RIMS1: variants seen among roughly 807,000 people sequenced by gnomAD.
The protein encoded by RIMS1 is regulating synaptic membrane exocytosis protein 1.
Under a neutral mutation model 214.1 loss-of-function variants are expected in RIMS1, and 83 were observed. The observed-to-expected ratio is 0.39, with a 90% CI of 0.32 to 0.47. The LOEUF is 0.47. Among genes scored for constraint, RIMS1 ranks in the 20% least tolerant of loss-of-function variants. RIMS1 has a pLI of 0.99. For synonymous variants in RIMS1, 793 were observed against 786.8 expected (o/e 1.01, Z -0.13); for missense variants, 2,050 against 2,161.8 (o/e 0.95, Z 1.03).
chr6:72,389,522 G>C (rs539082867), intron 29 of RIMS1, among the ~76,000 whole-genome samples: 1 of 152,106 alleles, frequency 6.6e-6, no homozygotes, highest in Admixed American at 6.5e-5. Flanking sequence ...GGGAAAAAAT[G>C]CAGTGTTTCA....
At chr6:71,943,974 A>G (rs74591428) in intron 1 of RIMS1, among the ~76,000 whole-genome samples, 10,705 of 152,296 alleles carry the variant, frequency 0.07, 521 homozygotes, top group Middle Eastern at 0.12. Flanking sequence ...AACGTGTAAT[A>G]TAGGAAATCA....
intron 4 of RIMS1, among the ~76,000 whole-genome samples, chr6:72,171,628 A>G (rs759552836): frequency 6.0e-4 from 91 of 152,174 alleles, no homozygotes; most frequent in Non-Finnish European, 1.1e-3. Flanking sequence ...GATGATGACA[A>G]TGAGTCTTTG....
intron 2 of RIMS1, among the ~76,000 whole-genome samples, chr6:72,048,288 A>T (rs1032218917): frequency 3.3e-5 from 5 of 152,208 alleles, no homozygotes; most frequent in Non-Finnish European, 5.9e-5. Flanking sequence ...TTTAAAAATT[A>T]TCAGCTTCAT....
intron 29 of RIMS1, among the ~76,000 whole-genome samples, chr6:72,334,240 C>T (rs2154343100): frequency 6.6e-6 from 1 of 151,892 alleles, no homozygotes; most frequent in Non-Finnish European, 1.5e-5. Context: ...GTCAGTTGTG[C>T]AACGTGACAT....
At chr6:72,360,387 G>A (rs910508129) in intron 29 of RIMS1, among the ~76,000 whole-genome samples, 2 of 152,096 alleles carry the variant, frequency 1.3e-5, no homozygotes, top group Non-Finnish European at 2.9e-5. Context: ...CTTTCTGTTA[G>A]CATCTGCTTT....
chr6:72,275,632 T>C (rs2154196491), intron 23 of RIMS1, among the ~76,000 whole-genome samples: 1 of 152,280 alleles, frequency 6.6e-6, no homozygotes, highest in East Asian at 1.9e-4. Flanking sequence ...GGAAATTAAA[T>C]ATAATTCTTT....
At chr6:72,161,489 A>G (rs2045399889) in intron 4 of RIMS1, among the ~76,000 whole-genome samples, 1 of 139,952 alleles carries the variant, frequency 7.1e-6, no homozygotes, top group Non-Finnish European at 1.6e-5. Flanking sequence ...TAGGGTGTCA[A>G]TTTTAGATCT....
rs184145829 is a variant in RIMS1 at position 71,978,408 on chromosome 6, T to C, written c.245+9345T>C. On this transcript the variant is annotated intron_variant, in intron 2 of 33. Transcript: ENST00000521978. ...ATTTTTCCACTTATTTAAACTTATT[T>C]AAAATTTTTTATTGTGATTTTTTTT... Among the ~76,000 whole-genome samples, 23 of 152,260 alleles carry C rather than the reference T, an allele frequency of 1.5e-4. No homozygotes were observed. The East Asian group carries it at 4.2e-3, about 28-fold the overall frequency.
rs1260744561 is a variant in RIMS1, at chr6:72,198,429, T to G, written c.1678+15280T>G. Among the ~76,000 whole-genome samples the G allele has an allele frequency of 3.3e-5, 5 of 152,018 alleles. No individual in the cohort carries two copies. In the East Asian group the frequency reaches 9.7e-4, roughly 29 times the overall value. Reference sequence around the variant, plus strand: ...AGCAAACATCATATACTCTCACTCATATGTGGGAGCTAATAGAATTGATTT... The same window carrying G: ...AGCAAACATCATATACTCTCACTCAGATGTGGGAGCTAATAGAATTGATTT... On this transcript the variant is annotated intron_variant, in intron 6 of 33. Coordinates refer to ENST00000521978, the MANE Select transcript of RIMS1 (RefSeq NM_014989.7).
intron 2 of RIMS1, among the ~76,000 whole-genome samples, chr6:72,083,216 G>T (rs924659090): frequency 6.6e-6 from 1 of 152,142 alleles, no homozygotes; most frequent in Non-Finnish European, 1.5e-5. Context: ...CATTCACCAA[G>T]TATTTCAGAG....
At chr6:72,053,679 T>C (rs943500354) in intron 2 of RIMS1, among the ~76,000 whole-genome samples, 1 of 152,036 alleles carries the variant, frequency 6.6e-6, no homozygotes, top group Non-Finnish European at 1.5e-5. Context: ...TAATGGCTGG[T>C]ATTGGAATAG....
Position 71,887,199 on chromosome 6 carries a change from C to G in RIMS1, c.164+12C>G, listed in dbSNP as rs1330525377. On this transcript the variant is annotated intron_variant, in intron 1 of 33. Coordinates refer to ENST00000521978, the MANE Select transcript of RIMS1 (RefSeq NM_014989.7). ...GAAGCCATGCTCAAGTAAGCCAGCC[C>G]CAGCCGCGCCATCCATGCCTCCGTG... is the stretch of plus-strand genomic sequence containing the variant. 3 of 1,597,790 alleles carry G rather than the reference C, an allele frequency of 1.9e-6. No homozygotes were observed. The highest frequency in any genetic ancestry group is 2.6e-6 in the Non-Finnish European group (3 of 1,172,498).
chr6:72,367,235 T>C (rs1192890799), intron 29 of RIMS1, among the ~76,000 whole-genome samples: 2 of 152,208 alleles, frequency 1.3e-5, no homozygotes, highest in African/African-American at 4.8e-5. Context: ...AACGGTATCA[T>C]AAAGTTATAT....
Position 72,179,581 on chromosome 6 carries a change from T to G in RIMS1, c.478T>G (p.Trp160Gly), listed in dbSNP as rs1480785942. The G allele has an allele frequency of 6.2e-7, 1 of 1,612,986 alleles. No homozygotes were observed. The highest frequency in any genetic ancestry group is 1.1e-5 in the South Asian group (1 of 90,958). The part of the protein sequence containing the change: ...RSNNEDKVVM[W>G]VCNLCRKQQE... ...TTCTTTCTTCTTCAAATAGGTTATG[T>G]GGGTATGCAATTTATGTCGAAAGCA... The change falls in exon 5 of 34, where the codon TGG becomes GGG. Residue 160 changes from tryptophan to glycine, a missense_variant. Physicochemically the swap from Trp to Gly is radical, Grantham distance 184. Transcript: ENST00000521978.
intron 29 of RIMS1, among the ~76,000 whole-genome samples, chr6:72,386,499 C>A (rs2098603741): frequency 6.6e-6 from 1 of 152,134 alleles, no homozygotes; most frequent in Non-Finnish European, 1.5e-5. Context: ...CCCTTCCCCT[C>A]TGCCACAGCC....
At chr6:72,080,505 G>A (rs1419934069) in intron 2 of RIMS1, among the ~76,000 whole-genome samples, 1 of 152,182 alleles carries the variant, frequency 6.6e-6, no homozygotes. Context: ...ATAGGAGCCA[G>A]AGGGAGCGTA....
At position 72,160,948 on chromosome 6, in the gene RIMS1, A is replaced by C; in HGVS notation, c.472-18627A>C. Among the ~76,000 whole-genome samples the C allele has an allele frequency of 1.4e-5, 2 of 139,716 alleles. 1 individual carries two copies. The allele number at this position is 139,716 out of a possible 152,430, so 91.7% of individuals were successfully genotyped here. On this transcript the variant is annotated intron_variant, in intron 4 of 33. Coordinates refer to ENST00000521978, the MANE Select transcript of RIMS1 (RefSeq NM_014989.7). ...TTTTTCTATTGATTGGAATAGTTTC[A>C]GAAGGAATGGTACCAGCTCATTCTT...
chr6:72,301,921 A>G (rs1405138412), intron 26 of RIMS1, among the ~76,000 whole-genome samples: 1 of 151,644 alleles, frequency 6.6e-6, no homozygotes, highest in African/African-American at 2.4e-5. Context: ...CGTGATACCT[A>G]TAGTCAATTG....
At chr6:72,134,840 T>C (rs563276427) in intron 4 of RIMS1, among the ~76,000 whole-genome samples, 1 of 152,016 alleles carries the variant, frequency 6.6e-6, no homozygotes, top group South Asian at 2.1e-4. Context: ...ACTTAATGGA[T>C]AGACAAACAT....
Sources: gnomAD v4.1 joint callset for allele counts (sites outside exome capture counted in the v4.1 genomes callset) on GRCh38, gnomAD v4.1.1 for gene constraint, MANE v1.5 for transcripts, NCBI Gene and HGNC (gene_info 2026-07-23, HGNC 2026-07-21) for gene names.